The following CSMD3 variants were observed in gnomAD, a reference collection of about 807,000 sequenced individuals.
CSMD3 encodes CUB and sushi domain-containing protein 3.
A neutral mutation model predicts 435.2 loss-of-function variants in CSMD3; 177 were observed. That is an observed-to-expected ratio of 0.41 (90% CI 0.36 to 0.46). The LOEUF (loss-of-function observed/expected upper bound fraction) is 0.46, where lower values mean the gene tolerates loss of function less well. Among genes scored for constraint, CSMD3 ranks in the 20% least tolerant of loss-of-function variants. CSMD3 has a pLI of 0.34. For missense variants in CSMD3, 4,265 were observed against 4,504.6 expected, an observed-to-expected ratio of 0.95 and a Z score of 1.52; for synonymous variants, 1,656 against 1,520.5, an observed-to-expected ratio of 1.09 and a Z score of -2.07.
At chr8:113,353,611 A>G (rs1044950060) in intron 1 of CSMD3, among the ~76,000 whole-genome samples, 1 of 152,164 alleles carries the variant, frequency 6.6e-6, no homozygotes, top group Non-Finnish European at 1.5e-5. Context: ...AATTTATTCA[A>G]AACTATTTCT....
At chr8:112,794,448 C>A (rs1011050796) in intron 13 of CSMD3, among the ~76,000 whole-genome samples, 3 of 151,752 alleles carry the variant, frequency 2.0e-5, no homozygotes, top group Non-Finnish European at 4.4e-5. Context: ...GCACGCACCA[C>A]CACGCCCTGC....
intron 27 of CSMD3, among the ~76,000 whole-genome samples, chr8:112,533,981 C>T (rs539175090): frequency 6.6e-6 from 1 of 151,810 alleles, no homozygotes; most frequent in Non-Finnish European, 1.5e-5. Flanking sequence ...GTACAAATAA[C>T]ATGGAAATTA....
At chr8:113,201,102 G>C (rs1222674880) in intron 3 of CSMD3, among the ~76,000 whole-genome samples, 1 of 151,850 alleles carries the variant, frequency 6.6e-6, no homozygotes, top group Admixed American at 6.6e-5. Context: ...TTTTAAACTA[G>C]ATCTCATTGC....
chr8:113,272,268 G>A lies in CSMD3; in HGVS notation c.514+6324C>T, dbSNP rs558141161. Among the ~76,000 whole-genome samples the A allele has an allele frequency of 2.6e-5, 4 of 152,180 alleles. No homozygotes were observed. The South Asian group carries it at 6.2e-4, about 24-fold the overall frequency. On this transcript the variant is annotated intron_variant, in intron 3 of 70. Coordinates refer to ENST00000297405, the MANE Select transcript of CSMD3 (RefSeq NM_198123.2). ...TTTGAAATATGAGGATGTGAGATTCGGAGGGGCAAAGGGCAGAATGATATG... is the reference window on the plus strand; with the variant it reads ...TTTGAAATATGAGGATGTGAGATTCAGAGGGGCAAAGGGCAGAATGATATG...
chr8:112,239,003 G>T (rs1428173026), intron 66 of CSMD3, among the ~76,000 whole-genome samples: 1 of 151,948 alleles, frequency 6.6e-6, no homozygotes, highest in Non-Finnish European at 1.5e-5. Context: ...CCTAATTCAG[G>T]AGTATGCACC....
At chr8:112,899,808 C>CATATATAT (rs35343113) in intron 10 of CSMD3, among the ~76,000 whole-genome samples, 2 of 143,816 alleles carry the variant, frequency 1.4e-5, no homozygotes, top group Non-Finnish European at 3.1e-5. Context: ...CAACCAGTGT[C>CATATATAT]ATATATATAT....
At chr8:112,678,858 T>G (rs2131763031) in intron 16 of CSMD3, among the ~76,000 whole-genome samples, 1 of 152,234 alleles carries the variant, frequency 6.6e-6, no homozygotes, top group African/African-American at 2.4e-5. Context: ...TTTAAAAGTT[T>G]CAGTGAAAAT....
chr8:113,108,608 A>T lies in CSMD3; in HGVS notation c.710-9645T>A, dbSNP rs370510714. On this transcript the variant is annotated intron_variant, in intron 4 of 70. Transcript: ENST00000297405. ...GTATGTAGGACATTTTTTTAAAGTC[A>T]TTGATAAAATACCAAACTTAATGAG... 2.0e-5 allele frequency among the ~76,000 whole-genome samples: 3 copies of T among 152,270 alleles called. No individual in the cohort carries two copies. In the South Asian group the frequency reaches 6.2e-4, roughly 32 times the overall value.
chr8:112,236,429 A>C (rs1194354406), intron 67 of CSMD3, among the ~76,000 whole-genome samples: 2 of 152,136 alleles, frequency 1.3e-5, no homozygotes, highest in East Asian at 1.9e-4. Context: ...GAAGGCAAAG[A>C]GCTTTCTTAG....
At chr8:112,244,661 C>T in intron 64 of CSMD3, 88 bp from the exon 65 acceptor site, 2 of 887,702 alleles carry the variant, frequency 2.3e-6, no homozygotes, top group East Asian at 2.6e-5. Context: ...TTCAGATATA[C>T]TTCAATGCCT....
chr8:112,545,473 A>T (rs1827075560), intron 27 of CSMD3, among the ~76,000 whole-genome samples: 1 of 105,108 alleles, frequency 9.5e-6, no homozygotes, highest in Non-Finnish European at 1.8e-5. Context: ...ACAGAGCGAG[A>T]CTCCATCTCA....
intron 38 of CSMD3, among the ~76,000 whole-genome samples, chr8:112,360,276 A>G (rs1308855224): frequency 6.6e-6 from 1 of 151,954 alleles, no homozygotes; most frequent in Admixed American, 6.6e-5. Flanking sequence ...TCAGGGTCAT[A>G]TATATAAAAA....
intron 10 of CSMD3, among the ~76,000 whole-genome samples, chr8:112,884,772 A>T (rs1232325828): frequency 6.6e-6 from 1 of 151,762 alleles, no homozygotes; most frequent in Non-Finnish European, 1.5e-5. Context: ...AAGAGAAATT[A>T]TGGGAATCAA....
At chr8:113,128,830 G>A (rs2131671251) in intron 4 of CSMD3, among the ~76,000 whole-genome samples, 1 of 152,134 alleles carries the variant, frequency 6.6e-6, no homozygotes, top group Non-Finnish European at 1.5e-5. Flanking sequence ...CTTACAAGTA[G>A]TGTGTGGTGC....
chr8:112,288,915 A>T (rs1586663237), intron 57 of CSMD3, among the ~76,000 whole-genome samples: 1 of 152,148 alleles, frequency 6.6e-6, no homozygotes, highest in Non-Finnish European at 1.5e-5. Flanking sequence ...ACTTTATTTT[A>T]AAATTATACC....
intron 5 of CSMD3, among the ~76,000 whole-genome samples, chr8:113,048,083 CTTTTT>C (rs35254619): frequency 4.7e-5 from 5 of 106,944 alleles, no homozygotes; most frequent in Non-Finnish European, 3.6e-5. Flanking sequence ...AACTTCAATT[CTTTTT>C]TTTTTTTTTT....
rs567823788 is a variant in CSMD3, at chr8:112,529,599, C to G, written c.4565-12374G>C. Among the ~76,000 whole-genome samples, 126 of 152,022 alleles carry G rather than the reference C, an allele frequency of 8.3e-4. No individual in the cohort carries two copies. The South Asian group carries it at 0.024, about 29-fold the overall frequency. ...CAAGACTCTGCCTCAAAAAAACAAA[C>G]CAACAAAAATCCAGCTGTCTGTTTC... On this transcript the variant is annotated intron_variant, in intron 27 of 70. Coordinates refer to ENST00000297405, the MANE Select transcript of CSMD3 (RefSeq NM_198123.2).
At chr8:112,607,113 A>T (rs1832859273) in intron 22 of CSMD3, among the ~76,000 whole-genome samples, 1 of 151,692 alleles carries the variant, frequency 6.6e-6, no homozygotes. Context: ...TTGAAAAAAT[A>T]AGCCAAATTT....
At chr8:112,586,517 G>A (rs1210242707) in intron 23 of CSMD3, among the ~76,000 whole-genome samples, 1 of 151,300 alleles carries the variant, frequency 6.6e-6, no homozygotes, top group East Asian at 1.9e-4. Context: ...TGTTTACACC[G>A]ATAGTCATTA....
Sources: allele counts gnomAD v4.1 joint callset (sites outside exome capture counted in the v4.1 genomes callset), GRCh38; gene constraint gnomAD v4.1.1; transcripts MANE v1.5; gene names NCBI Gene and HGNC (gene_info 2026-07-23, HGNC 2026-07-21).